The following MEIS2 variants were observed in gnomAD, a reference collection of about 807,000 sequenced individuals.
MEIS2 encodes homeobox protein Meis2.
A neutral mutation model predicts 58.6 loss-of-function variants in MEIS2; 9 were observed. The observed-to-expected ratio is 0.15, with a 90% CI of 0.09 to 0.27. The LOEUF (loss-of-function observed/expected upper bound fraction) is 0.27. Among genes scored for constraint, MEIS2 ranks in the 10% least tolerant of loss-of-function variants. The pLI is 1.00. For synonymous variants in MEIS2, 221 were observed against 228.4 expected (o/e 0.97, Z 0.29); for missense variants, 427 against 635.0 (o/e 0.67, Z 3.52).
Position 37,017,462 on chromosome 15 carries a change from T to C in MEIS2, c.900+19352A>G, listed in dbSNP as rs147219127. Among the ~76,000 whole-genome samples the C allele has an allele frequency of 6.1e-4, 92 of 151,982 alleles. 1 individual carries two copies. The East Asian group carries it at 0.016, about 26-fold the overall frequency. On this transcript the variant is annotated intron_variant, in intron 8 of 11. Coordinates refer to ENST00000561208, the MANE Select transcript of MEIS2 (RefSeq NM_170675.5). ...CTACTAAGAGTAAAACATTTAGAAG[T>C]GAACTGGGTATGGTGGGTCATGCCT...
intron 7 of MEIS2, among the ~76,000 whole-genome samples, chr15:37,056,795 G>A (rs1014028406): frequency 5.3e-5 from 8 of 152,194 alleles, no homozygotes; most frequent in South Asian, 2.1e-4. Context: ...ACAGGCGGGG[G>A]CCCTGACCCC....
chr15:36,987,117 A>C (rs1164702645), intron 8 of MEIS2, among the ~76,000 whole-genome samples: 1 of 152,028 alleles, frequency 6.6e-6, no homozygotes, highest in Non-Finnish European at 1.5e-5. Flanking sequence ...ACACAAGGAA[A>C]TGGGAGATGG....
chr15:37,099,629 T>C lies in MEIS2; in HGVS notation c.-163A>G, dbSNP rs185043075. 1.0e-6 allele frequency: 1 copy of C among 976,074 alleles called. No homozygotes were observed. The highest frequency in any genetic ancestry group is 1.5e-6 in the Non-Finnish European group (1 of 687,026). The allele number at this position is 976,074 out of a possible 1,614,324, so 60.5% of individuals were successfully genotyped here. On this transcript the variant is annotated 5_prime_UTR_variant, in exon 1 of 12. Coordinates refer to ENST00000561208, the MANE Select transcript of MEIS2 (RefSeq NM_170675.5). The stretch of plus-strand genomic sequence containing the variant: ...TTTTTAGGGGGGAAAAAAAGCCCAG[T>C]CTAGACAACGAAGAATTTTTTTTTC...
At chr15:36,938,154 T>C (rs2058243449) in intron 9 of MEIS2, among the ~76,000 whole-genome samples, 1 of 152,174 alleles carries the variant, frequency 6.6e-6, no homozygotes, top group Non-Finnish European at 1.5e-5. Context: ...GCTTTGCCCC[T>C]GCGACCCAAG....
chr15:36,891,757 G>T lies in MEIS2; in HGVS notation c.*416C>A. The T allele has an allele frequency of 4.8e-6, 1 of 207,294 alleles. No homozygotes were observed. The highest frequency in any genetic ancestry group is 9.7e-6 in the Non-Finnish European group (1 of 102,752). 12.8% of individuals were successfully genotyped at this position (207,294 alleles called of 1,614,324 possible). A position where few individuals can be genotyped will look rare whatever the true frequency, so the allele number is the denominator to read the frequency against. On this transcript the variant is annotated 3_prime_UTR_variant, in exon 12 of 12. Transcript: ENST00000561208. ...TAAAATATATACCACAGTCTCTCCT[G>T]GATGGTGAATTCACTGATGAACCAA...
intron 7 of MEIS2, among the ~76,000 whole-genome samples, chr15:37,082,128 G>T (rs1892301759): frequency 6.6e-6 from 1 of 152,150 alleles, no homozygotes; most frequent in African/African-American, 2.4e-5. Flanking sequence ...TCTACAGAGA[G>T]GAGAAAAACT....
chr15:36,981,246 AT>A (rs1336872410), intron 8 of MEIS2, among the ~76,000 whole-genome samples: 3 of 152,098 alleles, frequency 2.0e-5, no homozygotes, highest in Non-Finnish European at 4.4e-5. Flanking sequence ...TAAAAAAGCT[AT>A]TGATACTTGC....
At chr15:37,008,297 T>C (rs1316251606) in intron 8 of MEIS2, among the ~76,000 whole-genome samples, 1 of 152,242 alleles carries the variant, frequency 6.6e-6, no homozygotes, top group Non-Finnish European at 1.5e-5. Context: ...ATAAACCCAA[T>C]GTTTTTAAAA....
intron 6 of MEIS2, among the ~76,000 whole-genome samples, chr15:37,088,594 G>A (rs2141934817): frequency 6.6e-6 from 1 of 152,232 alleles, no homozygotes; most frequent in African/African-American, 2.4e-5. Flanking sequence ...TAAGAAGTCA[G>A]GAGACCTATG....
intron 8 of MEIS2, among the ~76,000 whole-genome samples, chr15:36,969,308 GT>G (rs941680752): frequency 6.6e-6 from 1 of 152,166 alleles, no homozygotes; most frequent in African/African-American, 2.4e-5. Flanking sequence ...TTAAAGTCCT[GT>G]TTTTGTCTCT....
intron 7 of MEIS2, among the ~76,000 whole-genome samples, chr15:37,070,464 A>T (rs917061874): frequency 6.6e-6 from 1 of 152,172 alleles, no homozygotes; most frequent in East Asian, 1.9e-4. Context: ...CAATGGTTAA[A>T]TGAGTCTGGA....
At position 37,010,348 on chromosome 15, in the gene MEIS2, A is replaced by T. The variant is rs571968718; in HGVS notation, c.900+26466T>A. Reference sequence around the variant, plus strand: ...ATGATCCGCCCATCTTGGCCTCCCAAAGTGCTGAGATTACAGGCATGAGCC... The same window carrying T: ...ATGATCCGCCCATCTTGGCCTCCCATAGTGCTGAGATTACAGGCATGAGCC... On this transcript the variant is annotated intron_variant, in intron 8 of 11. Coordinates refer to ENST00000561208, the MANE Select transcript of MEIS2 (RefSeq NM_170675.5). Among the ~76,000 whole-genome samples the T allele has an allele frequency of 2.6e-5, 4 of 151,734 alleles. No individual in the cohort carries two copies. In the South Asian group the frequency reaches 8.3e-4, roughly 32 times the overall value.
intron 7 of MEIS2, among the ~76,000 whole-genome samples, chr15:37,075,899 AT>A (rs1012376439): frequency 6.7e-5 from 10 of 149,738 alleles, no homozygotes; most frequent in South Asian, 6.3e-4. Context: ...CTCTTTCATT[AT>A]TTTTTTTTTC....
intron 9 of MEIS2, among the ~76,000 whole-genome samples, chr15:36,923,257 T>C (rs2057596075): frequency 6.6e-6 from 1 of 152,184 alleles, no homozygotes; most frequent in South Asian, 2.1e-4. Flanking sequence ...TCCAATGATC[T>C]TGATGTTTTC....
chr15:36,985,140 A>G (rs1189835438), intron 8 of MEIS2, among the ~76,000 whole-genome samples: 1 of 152,034 alleles, frequency 6.6e-6, no homozygotes, highest in African/African-American at 2.4e-5. Flanking sequence ...ATCTTTCTTA[A>G]GTAAGAATAC....
chr15:37,037,667 C>T (rs2062218116), intron 7 of MEIS2, among the ~76,000 whole-genome samples: 1 of 152,228 alleles, frequency 6.6e-6, no homozygotes, highest in Non-Finnish European at 1.5e-5. Flanking sequence ...TTTTAACAGT[C>T]ATAGTTATTT....
rs761947128 is a variant in MEIS2, at chr15:36,892,164, T to C, written c.*9A>G. The C allele has an allele frequency of 7.4e-6, 12 of 1,612,820 alleles. 1 individual carries two copies. The South Asian group carries it at 1.3e-4, about 18-fold the overall frequency. ...GCGTGTGTTTCCTTTTCCCTTGAGT[T>C]CCCTTATACTATTGGGCATGAATGT... On this transcript the variant is annotated 3_prime_UTR_variant, in exon 12 of 12. Transcript: ENST00000561208.
intron 7 of MEIS2, among the ~76,000 whole-genome samples, chr15:37,047,741 C>T (rs1236994629): frequency 6.6e-6 from 1 of 152,024 alleles, no homozygotes; most frequent in Non-Finnish European, 1.5e-5. Context: ...AAAAGGTGGT[C>T]GGAGGGATGT....
At chr15:37,055,055 G>A (rs1466147844) in intron 7 of MEIS2, among the ~76,000 whole-genome samples, 1 of 152,158 alleles carries the variant, frequency 6.6e-6, no homozygotes, top group Non-Finnish European at 1.5e-5. Flanking sequence ...GAGAGGTGGA[G>A]CAATTTGCCC....
Sources: gnomAD v4.1 joint callset for allele counts (sites outside exome capture counted in the v4.1 genomes callset) on GRCh38, gnomAD v4.1.1 for gene constraint, MANE v1.5 for transcripts, NCBI Gene and HGNC (gene_info 2026-07-23, HGNC 2026-07-21) for gene names.